ME1: variants seen among roughly 807,000 people sequenced by gnomAD.
ME1 encodes the protein malic enzyme 1.
Under a neutral mutation model 66.4 loss-of-function variants are expected in ME1, and 74 were observed. The ratio of observed to expected loss-of-function variants is 1.11; its 90% CI spans 0.92 to 1.35. The LOEUF (loss-of-function observed/expected upper bound fraction) is 1.35. ME1 is among the 40% of genes most tolerant of loss of function. The pLI is 0.00. For synonymous variants in ME1, 251 were observed against 235.6 expected (o/e 1.07, Z -0.60); for missense variants, 750 against 694.1 (o/e 1.08, Z -0.90).
chr6:83,239,678 A>T, intron 7 of ME1, 42 bp from the exon 8 acceptor site: 1 of 1,379,566 alleles, frequency 7.2e-7, no homozygotes, highest in Non-Finnish European at 1.0e-6. Context: ...CCTCAAACAG[A>T]TCCTGCCAAT....
At chr6:83,230,238 G>A (rs992228614) in intron 9 of ME1, among the ~76,000 whole-genome samples, 8 of 151,488 alleles carry the variant, frequency 5.3e-5, no homozygotes, top group Admixed American at 1.3e-4. Flanking sequence ...GTGCAGTGGC[G>A]CGATCTCGGC....
chr6:83,420,474 C>A (rs1770243155), intron 1 of ME1, among the ~76,000 whole-genome samples: 1 of 152,136 alleles, frequency 6.6e-6, no homozygotes, highest in Non-Finnish European at 1.5e-5. Context: ...CTTTGTGGAC[C>A]CACAGAACAG....
At chr6:83,311,197 A>T (rs1767925015) in intron 6 of ME1, among the ~76,000 whole-genome samples, 1 of 152,146 alleles carries the variant, frequency 6.6e-6, no homozygotes, top group Non-Finnish European at 1.5e-5. Flanking sequence ...TCTGGGACAT[A>T]CTAGAGTTGA....
chr6:83,303,821 G>A (rs560309200), intron 6 of ME1, among the ~76,000 whole-genome samples: 11 of 152,214 alleles, frequency 7.2e-5, no homozygotes, highest in African/African-American at 2.4e-4. Flanking sequence ...TGTTCTCAGA[G>A]TGATGGAGAG....
chr6:83,308,043 A>T (rs1312397047), intron 6 of ME1, among the ~76,000 whole-genome samples: 2 of 152,248 alleles, frequency 1.3e-5, no homozygotes, highest in Non-Finnish European at 2.9e-5. Flanking sequence ...CTACTCAGCA[A>T]AAAAAGCATA....
At chr6:83,321,689 A>G (rs1228568390) in intron 5 of ME1, among the ~76,000 whole-genome samples, 1 of 152,224 alleles carries the variant, frequency 6.6e-6, no homozygotes, top group African/African-American at 2.4e-5. Context: ...TCCCTGGGAC[A>G]GAACACCTGA....
At chr6:83,326,111 T>C (rs1040725404) in intron 5 of ME1, among the ~76,000 whole-genome samples, 1 of 152,138 alleles carries the variant, frequency 6.6e-6, no homozygotes, top group Admixed American at 6.5e-5. Context: ...TCTACAACTA[T>C]ATGATCTTTC....
chr6:83,420,762 A>G (rs886558134), intron 1 of ME1, among the ~76,000 whole-genome samples: 5 of 152,240 alleles, frequency 3.3e-5, no homozygotes, highest in African/African-American at 1.2e-4. Flanking sequence ...AAATTATTAC[A>G]GAATACCTAC....
chr6:83,423,242 T>C (rs1200146410), intron 1 of ME1, among the ~76,000 whole-genome samples: 1 of 151,944 alleles, frequency 6.6e-6, no homozygotes, highest in Admixed American at 6.6e-5. Flanking sequence ...CAACTCATTA[T>C]TATATAACTA....
At chr6:83,427,634 C>T (rs1332365727) in intron 1 of ME1, among the ~76,000 whole-genome samples, 3 of 152,112 alleles carry the variant, frequency 2.0e-5, no homozygotes, top group African/African-American at 4.8e-5. Context: ...ATTAAGTAAA[C>T]ATTTATTTAA....
chr6:83,396,591 T>A (rs971366943), intron 3 of ME1, among the ~76,000 whole-genome samples: 1 of 152,130 alleles, frequency 6.6e-6, no homozygotes, highest in Non-Finnish European at 1.5e-5. Flanking sequence ...AGAGTTCCAA[T>A]GACATTTTTT....
At chr6:83,368,010 A>C (rs1769130287) in intron 3 of ME1, among the ~76,000 whole-genome samples, 2 of 152,086 alleles carry the variant, frequency 1.3e-5, no homozygotes, top group African/African-American at 4.8e-5. Context: ...CTTAAAGGCC[A>C]TTGCAGGGTT....
At chr6:83,401,442 A>G (rs1006199771) in intron 2 of ME1, among the ~76,000 whole-genome samples, 2 of 152,216 alleles carry the variant, frequency 1.3e-5, no homozygotes, top group African/African-American at 4.8e-5. Context: ...GATGTTCAAT[A>G]TATATCGAGG....
At chr6:83,329,520 CT>C (rs1037703507) in intron 5 of ME1, among the ~76,000 whole-genome samples, 5 of 152,084 alleles carry the variant, frequency 3.3e-5, no homozygotes, top group African/African-American at 1.2e-4. Flanking sequence ...AATAAGGTAT[CT>C]TTTCATATCA....
chr6:83,282,213 T>A (rs1767310814), intron 6 of ME1, among the ~76,000 whole-genome samples: 1 of 152,078 alleles, frequency 6.6e-6, no homozygotes, highest in African/African-American at 2.4e-5. Context: ...GGCAAAGAAT[T>A]CACGACTAAA....
intron 3 of ME1, among the ~76,000 whole-genome samples, chr6:83,374,081 T>A (rs1048436127): frequency 6.6e-6 from 1 of 152,230 alleles, no homozygotes; most frequent in African/African-American, 2.4e-5. Context: ...TGTATCTTTA[T>A]AATAGAATGA....
intron 5 of ME1, among the ~76,000 whole-genome samples, chr6:83,325,939 C>G (rs557722891): frequency 0.082 from 11,420 of 138,580 alleles, 584 homozygotes; most frequent in Non-Finnish European, 0.12. Context: ...CACAAAAAAA[C>G]GAAGCAAACA....
At chr6:83,425,247 C>T (rs989266903) in intron 1 of ME1, among the ~76,000 whole-genome samples, 10 of 152,024 alleles carry the variant, frequency 6.6e-5, no homozygotes, top group African/African-American at 1.4e-4. Flanking sequence ...CCTCCTACCT[C>T]GGCCTCCCAG....
intron 7 of ME1, among the ~76,000 whole-genome samples, chr6:83,248,916 A>AT (rs1459172956): frequency 6.6e-6 from 1 of 152,188 alleles, no homozygotes; most frequent in Admixed American, 6.5e-5. Flanking sequence ...ATAGCTCACA[A>AT]TTCTTAACAC....
Sources: gnomAD v4.1 joint callset for allele counts (sites outside exome capture counted in the v4.1 genomes callset) on GRCh38, gnomAD v4.1.1 for gene constraint, MANE v1.5 for transcripts, NCBI Gene and HGNC (gene_info 2026-07-23, HGNC 2026-07-21) for gene names.